Variants in RIN3 observed in about 807,000 individuals in gnomAD.
The protein encoded by RIN3 is Ras and Rab interactor 3.
RIN3 carries 54 observed loss-of-function variants against 76.3 expected under a neutral mutation model. That is an observed-to-expected ratio of 0.71 (90% CI 0.57 to 0.89). RIN3 has a LOEUF of 0.89. Among genes scored for constraint, RIN3 ranks in the 40% least tolerant of loss-of-function variants. The pLI is 0.00. For missense variants in RIN3, 1,256 were observed against 1,322.1 expected (o/e 0.95, Z 0.78); for synonymous variants, 576 against 564.0 (o/e 1.02, Z -0.30).
At chr14:92,552,715 C>T (rs982843379) in intron 1 of RIN3, among the ~76,000 whole-genome samples, 1 of 152,128 alleles carries the variant, frequency 6.6e-6, no homozygotes, top group Non-Finnish European at 1.5e-5. Flanking sequence ...GGGTGTCTTC[C>T]CTGGCCACCC....
chr14:92,547,190 A>T (rs1482967055), intron 1 of RIN3, among the ~76,000 whole-genome samples: 14 of 68,020 alleles, frequency 2.1e-4, no homozygotes, highest in Non-Finnish European at 3.1e-4. Context: ...TTATTATTAT[A>T]AAATAAATTA....
chr14:92,654,380 A>T (rs1185650314), intron 6 of RIN3, among the ~76,000 whole-genome samples: 1 of 152,056 alleles, frequency 6.6e-6, no homozygotes, highest in African/African-American at 2.4e-5. Flanking sequence ...GTAGCCAAAA[A>T]GTGGTTGCTA....
intron 1 of RIN3, chr14:92,515,104 G>A: frequency 3.3e-6 from 2 of 611,246 alleles, no homozygotes; most frequent in Non-Finnish European, 2.9e-6. Context: ...CTGGGAGGGG[G>A]CCTTAAGCTC....
At chr14:92,520,720 T>C (rs778738125) in intron 1 of RIN3, among the ~76,000 whole-genome samples, 7 of 152,156 alleles carry the variant, frequency 4.6e-5, no homozygotes, top group Non-Finnish European at 8.8e-5. Context: ...TCACCCATCT[T>C]CACGGACTGA....
chr14:92,669,180 A>G (rs1888204870), intron 7 of RIN3, among the ~76,000 whole-genome samples: 1 of 152,234 alleles, frequency 6.6e-6, no homozygotes, highest in African/African-American at 2.4e-5. Flanking sequence ...GAGATGTCAG[A>G]TATAAACAGT....
chr14:92,597,049 C>T (rs529812645), intron 3 of RIN3, among the ~76,000 whole-genome samples: 44 of 152,322 alleles, frequency 2.9e-4, no homozygotes, highest in African/African-American at 1.0e-3. Flanking sequence ...TCAATTTCCT[C>T]ATCTAGAAAA....
rs372561763 is a variant in RIN3, at chr14:92,529,590, G to A, written c.44+15614G>A. 3.3e-5 allele frequency among the ~76,000 whole-genome samples: 5 copies of A among 152,208 alleles called. No homozygotes were observed. The East Asian group carries it at 5.8e-4, about 18-fold the overall frequency. On this transcript the variant is annotated intron_variant, in intron 1 of 9. Coordinates refer to ENST00000216487, the MANE Select transcript of RIN3 (RefSeq NM_024832.5). The stretch of plus-strand genomic sequence containing the variant: ...AGTCATTCAAGGACATAGGCAGAGT[G>A]ATGAAATATTCCAGTTGTCCGGCGG...
In RIN3 at chr14:92,652,202, G is replaced by T; in HGVS notation, c.1153G>T (p.Ala385Ser). 15 of 1,606,148 alleles carry T rather than the reference G, an allele frequency of 9.3e-6. No individual in the cohort carries two copies. The highest frequency in any genetic ancestry group is 1.3e-5 in the Non-Finnish European group (15 of 1,174,958). ...GCCTGCGAAGAAGAACCTTCCCACT[G>T]CCCCTCCCAGACGCCGCGTTTCCGA... is the stretch of plus-strand genomic sequence containing the variant. ...PLPAKKNLPT[A>S]PPRRRVSERV... is the part of the protein sequence containing the mutation. The change falls in exon 6 of 10, where the codon GCC becomes TCC. Residue 385 changes from alanine to serine, a missense_variant. Physicochemically the swap from Ala to Ser is moderately conservative, Grantham distance 99. Transcript: ENST00000216487. The surrounding 1 kb of genome is among the most constrained non-coding windows in gnomAD (Gnocchi z 6.4).
At chr14:92,650,906 A>G (rs1887392083) in intron 5 of RIN3, 1 of 152,248 alleles carries the variant, frequency 6.6e-6, no homozygotes, top group Non-Finnish European at 1.5e-5. Flanking sequence ...ACTGGGGCAG[A>G]CGACCAGCTT....
chr14:92,651,657 G>T lies in RIN3; in HGVS notation c.608G>T (p.Gly203Val), dbSNP rs1887428401. 6.2e-7 allele frequency: 1 copy of T among 1,613,634 alleles called. No individual in the cohort carries two copies. Among genetic ancestry groups the T allele is most frequent in the African/African-American group, 1.3e-5 (1 of 74,840 alleles). ...PAEPPRDRAP[G>V]FPLVSSLRPT... is the part of the protein sequence containing the mutation. ...GAGCCCCCAAGAGACCGGGCCCCCG[G>T]ATTCCCCCTAGTCTCCAGCCTCAGG... The change falls in exon 6 of 10, where the codon GGA (glycine) becomes GTA (valine). Residue 203 changes from glycine to valine, a missense_variant. Coordinates refer to ENST00000216487, the MANE Select transcript of RIN3 (RefSeq NM_024832.5).
intron 2 of RIN3, among the ~76,000 whole-genome samples, chr14:92,572,238 A>G (rs1178181262): frequency 1.3e-5 from 2 of 152,094 alleles, no homozygotes; most frequent in African/African-American, 2.4e-5. Flanking sequence ...GTCCGCCAGC[A>G]CTTGGGAGGG....
intron 7 of RIN3, 83 bp from the exon 8 acceptor site, chr14:92,676,392 A>C: frequency 6.6e-7 from 1 of 1,514,224 alleles, no homozygotes. Flanking sequence ...CACTCAGCAA[A>C]CCACTGTCCC....
intron 4 of RIN3, among the ~76,000 whole-genome samples, chr14:92,625,882 TCTC>T (rs545148113): frequency 4.9e-4 from 75 of 152,326 alleles, no homozygotes; most frequent in Non-Finnish European, 9.1e-4. Context: ...TTTTTGGGCT[TCTC>T]CTAGGGGTTC....
intron 4 of RIN3, among the ~76,000 whole-genome samples, chr14:92,639,618 G>A (rs529784716): frequency 6.6e-6 from 1 of 152,216 alleles, no homozygotes; most frequent in East Asian, 1.9e-4. Context: ...GTGTGAAACA[G>A]CCCTAGGCCA....
intron 1 of RIN3, among the ~76,000 whole-genome samples, chr14:92,525,354 G>A (rs988399473): frequency 1.3e-5 from 2 of 152,196 alleles, no homozygotes; most frequent in African/African-American, 4.8e-5. Flanking sequence ...TCCTGGCAGG[G>A]TGTGGGGGGA....
At chr14:92,516,215 A>G (rs1383826691) in intron 1 of RIN3, among the ~76,000 whole-genome samples, 2 of 152,222 alleles carry the variant, frequency 1.3e-5, no homozygotes, top group Admixed American at 6.5e-5. Context: ...GACCTAATCA[A>G]TCCCCTAATT....
chr14:92,590,840 ACT>A (rs1209309880), intron 3 of RIN3, among the ~76,000 whole-genome samples: 9 of 150,934 alleles, frequency 6.0e-5, no homozygotes, highest in African/African-American at 2.2e-4. Flanking sequence ...AGGATTTAGA[ACT>A]CTCCCCCTCC....
chr14:92,531,692 G>A (rs1021567923), intron 1 of RIN3, among the ~76,000 whole-genome samples: 3 of 152,154 alleles, frequency 2.0e-5, no homozygotes, highest in Non-Finnish European at 2.9e-5. Flanking sequence ...GCAATGTGAC[G>A]CTGTGTAGTT....
At position 92,652,513 on chromosome 14, in the gene RIN3, G is replaced by A; in HGVS notation, c.1464G>A (p.Met488Ile). ...ACGCTGAGCTCTGCACACAGGCGAT[G>A]GCCTTGGAGACACCCACGCCGGGTC... ...LENAELCTQA[M>I]ALETPTPGPP... Residue 488 changes from methionine (M) to isoleucine (I), a missense_variant, in exon 6 of 10, where the codon ATG becomes ATA. Physicochemically the swap from Met to Ile is conservative, Grantham distance 10 (BLOSUM62 1). Around this residue, in one of 3 missense-constraint regions of RIN3, gnomAD observed 428 missense variants for 521.2 expected, o/e 0.82. Coordinates refer to ENST00000216487, the MANE Select transcript of RIN3 (RefSeq NM_024832.5). The surrounding 1 kb of genome is among the most constrained non-coding windows in gnomAD (Gnocchi z 6.4). 1 of 1,613,990 alleles carries A rather than the reference G, an allele frequency of 6.2e-7. No homozygotes were observed. Among genetic ancestry groups the A allele is most frequent in the African/African-American group, 1.3e-5 (1 of 75,030 alleles).
Sources: gnomAD v4.1 joint callset for allele counts (sites outside exome capture counted in the v4.1 genomes callset) on GRCh38, gnomAD v4.1.1 for gene constraint, gnomAD v4.1.1 regional missense constraint, Gnocchi (gnomAD v3.1) non-coding constraint, MANE v1.5 for transcripts, NCBI Gene and HGNC (gene_info 2026-07-23, HGNC 2026-07-21) for gene names.